The following TRPM3 variants were observed in gnomAD, a reference collection of about 807,000 sequenced individuals.
The protein encoded by TRPM3 is long transient receptor potential channel 3.
Under a neutral mutation model 181.2 loss-of-function variants are expected in TRPM3, and 77 were observed. The ratio of observed to expected loss-of-function variants is 0.42; its 90% CI spans 0.35 to 0.51. The LOEUF is 0.51. Among genes scored for constraint, TRPM3 ranks in the 20% least tolerant of loss-of-function variants. TRPM3 has a pLI of 0.01. For missense variants in TRPM3, 1,759 were observed against 2,196.7 expected (o/e 0.80, Z 3.98); for synonymous variants, 745 against 796.4 (o/e 0.94, Z 1.09).
At chr9:71,273,640 T>A (rs559102504) in intron 1 of TRPM3, among the ~76,000 whole-genome samples, 1 of 152,362 alleles carries the variant, frequency 6.6e-6, no homozygotes, top group South Asian at 2.1e-4. Context: ...CAATGTTTAC[T>A]ATTAATCCAC....
At chr9:70,597,973 C>T (rs2059306887) in intron 21 of TRPM3, among the ~76,000 whole-genome samples, 1 of 152,142 alleles carries the variant, frequency 6.6e-6, no homozygotes, top group Non-Finnish European at 1.5e-5. Flanking sequence ...CATTCCTTCT[C>T]CAACACCCAG....
intron 22 of TRPM3, among the ~76,000 whole-genome samples, chr9:70,555,532 A>G (rs1187752392): frequency 1.3e-5 from 2 of 152,204 alleles, no homozygotes; most frequent in African/African-American, 4.8e-5. Flanking sequence ...CTTGTTGGAC[A>G]CTAATAGACA....
chr9:71,107,278 C>T (rs990173961), intron 1 of TRPM3, among the ~76,000 whole-genome samples: 1 of 152,144 alleles, frequency 6.6e-6, no homozygotes, highest in Non-Finnish European at 1.5e-5. Flanking sequence ...TAGCATGCGT[C>T]CTTGCCTTTG....
Position 71,347,931 on chromosome 9 carries a change from G to A in TRPM3, c.183+98722C>T, listed in dbSNP as rs184703865. Among the ~76,000 whole-genome samples the A allele has an allele frequency of 7.8e-4, 119 of 152,054 alleles. 1 individual carries two copies. The highest frequency in any genetic ancestry group is 2.7e-3 in the African/African-American group (113 of 41,492). On this transcript the variant is annotated intron_variant, in intron 1 of 24. Coordinates refer to the TRPM3 transcript ENST00000357533. ...GAAGATACACATTCCCTGCAAATAG[G>A]GCTGATTGATTTGCACTAAGAAATA...
At position 71,213,195 on chromosome 9, in the gene TRPM3, G is replaced by C. The variant is rs1048804296; in HGVS notation, c.183+233458C>G. Among the ~76,000 whole-genome samples the C allele has an allele frequency of 1.4e-4, 21 of 152,276 alleles. No individual in the cohort carries two copies. In the Middle Eastern group the frequency reaches 0.014, roughly 99 times the overall value. The stretch of plus-strand genomic sequence containing the variant: ...AGCCATAGGTAATATGTATAGGAAT[G>C]AGTGTGGCCATGTTTCAATAAAATT... On this transcript the variant is annotated intron_variant, in intron 1 of 24. Coordinates refer to the TRPM3 transcript ENST00000357533.
chr9:71,311,239 A>G (rs942927131), intron 1 of TRPM3, among the ~76,000 whole-genome samples: 14 of 152,170 alleles, frequency 9.2e-5, no homozygotes, highest in Non-Finnish European at 1.6e-4. Context: ...CTGTAAATTC[A>G]TCTTTTCTCC....
intron 1 of TRPM3, among the ~76,000 whole-genome samples, chr9:71,212,653 G>GAAAGAC (rs908009035): frequency 1.2e-4 from 18 of 152,102 alleles, no homozygotes; most frequent in African/African-American, 4.3e-4. Flanking sequence ...CCTCTTAGAA[G>GAAAGAC]AAAGACACTT....
At position 71,393,300 on chromosome 9, in the gene TRPM3, G is replaced by C. The variant is rs1354012027; in HGVS notation, c.183+53353C>G. On this transcript the variant is annotated intron_variant, in intron 1 of 24. Transcript: ENST00000357533. ...AAGGAATTTCTACAGATTTTGAATA[G>C]CACAGCATAGGGTGAAACATACTAT... Among the ~76,000 whole-genome samples, 3 of 152,296 alleles carry C rather than the reference G, an allele frequency of 2.0e-5. No individual in the cohort carries two copies. The East Asian group carries it at 5.8e-4, about 29-fold the overall frequency.
chr9:71,352,328 T>A lies in TRPM3; in HGVS notation c.183+94325A>T, dbSNP rs533862931. ...AAACTGACTTAATTTCTCCCATGAG[T>A]ATTCTTAAAGCAACTCAAATATAGT... is the stretch of plus-strand genomic sequence containing the variant. On this transcript the variant is annotated intron_variant, in intron 1 of 24. Coordinates refer to the TRPM3 transcript ENST00000357533. Among the ~76,000 whole-genome samples the A allele has an allele frequency of 3.9e-5, 6 of 152,320 alleles. No individual in the cohort carries two copies. In the East Asian group the frequency reaches 1.2e-3, roughly 29 times the overall value.
At chr9:71,250,722 A>AAGGGCAG (rs1338324937) in intron 1 of TRPM3, among the ~76,000 whole-genome samples, 1 of 152,152 alleles carries the variant, frequency 6.6e-6, no homozygotes, top group African/African-American at 2.4e-5. Flanking sequence ...CAGCAGTAAG[A>AAGGGCAG]AGGGCAGGGG....
chr9:70,632,160 G>A (rs1007086288), intron 12 of TRPM3, among the ~76,000 whole-genome samples: 1 of 151,972 alleles, frequency 6.6e-6, no homozygotes, highest in Admixed American at 6.6e-5. Flanking sequence ...AAGTTCCCAA[G>A]ATTTTCTTAG....
rs142779238 is a variant in TRPM3, at chr9:70,570,302, G to GT, written c.3224-16993dup. Among the ~76,000 whole-genome samples, 504 of 68,368 alleles carry GT rather than the reference G, an allele frequency of 7.4e-3. 9 individuals are homozygous for GT. The highest frequency in any genetic ancestry group is 0.013 in the African/African-American group (202 of 14,992). The allele number at this position is 68,368 out of a possible 152,430, so 44.9% of individuals were successfully genotyped here. ...TAAAGTTTTGGGTCATATTACTAGA[G>GT]TTTTTTTTTTTTTTTTTTTTTTTTG... On this transcript the variant is annotated intron_variant, in intron 22 of 25. Transcript: ENST00000677713.
intron 1 of TRPM3, among the ~76,000 whole-genome samples, chr9:70,955,958 T>G (rs2097064872): frequency 6.6e-6 from 1 of 152,194 alleles, no homozygotes; most frequent in African/African-American, 2.4e-5. Context: ...AGGATATCAT[T>G]ATCTCTGACA....
chr9:70,856,487 G>T (rs1225380500), intron 3 of TRPM3, among the ~76,000 whole-genome samples: 1 of 152,122 alleles, frequency 6.6e-6, no homozygotes, highest in African/African-American at 2.4e-5. Context: ...GATAAAATTT[G>T]CATATTGCAA....
intron 1 of TRPM3, among the ~76,000 whole-genome samples, chr9:71,354,280 GT>G (rs1459240278): frequency 6.6e-6 from 1 of 152,090 alleles, no homozygotes; most frequent in Middle Eastern, 3.2e-3. Context: ...CCTGTAATAA[GT>G]GAGGAACACA....
intron 1 of TRPM3, among the ~76,000 whole-genome samples, chr9:71,351,376 A>G (rs1259999480): frequency 6.6e-6 from 1 of 152,232 alleles, no homozygotes; most frequent in East Asian, 1.9e-4. Context: ...CTGCCTTATT[A>G]CACACTTCTT....
At chr9:71,000,902 C>T (rs1270635579) in intron 1 of TRPM3, among the ~76,000 whole-genome samples, 2 of 152,214 alleles carry the variant, frequency 1.3e-5, no homozygotes, top group Non-Finnish European at 2.9e-5. Flanking sequence ...ATAGAAGGAA[C>T]TGATATTAGT....
chr9:70,808,459 T>A (rs567808576), intron 6 of TRPM3, among the ~76,000 whole-genome samples: 104 of 152,320 alleles, frequency 6.8e-4, no homozygotes, highest in African/African-American at 2.5e-3. Context: ...ATGGGTGAGA[T>A]AAACATGACA....
chr9:70,868,915 G>T (rs1004323575), intron 1 of TRPM3: 7 of 872,004 alleles, frequency 8.0e-6, no homozygotes, highest in Non-Finnish European at 9.6e-6. Flanking sequence ...TTGATCTTTG[G>T]TCTTCCTCTA....
Sources: gnomAD v4.1 joint callset for allele counts (sites outside exome capture counted in the v4.1 genomes callset) on GRCh38, gnomAD v4.1.1 for gene constraint, MANE v1.5 for transcripts, NCBI Gene and HGNC (gene_info 2026-07-23, HGNC 2026-07-21) for gene names.